Variants in ADGRL3 observed in about 807,000 individuals in gnomAD.
ADGRL3 encodes calcium-independent alpha-latrotoxin receptor 3.
A neutral mutation model predicts 153.5 loss-of-function variants in ADGRL3; 62 were observed. That is an observed-to-expected ratio of 0.40 (90% CI 0.33 to 0.50). ADGRL3 has a LOEUF of 0.50. Ranked by LOEUF, ADGRL3 falls within the 20% of genes least tolerant of loss-of-function variation. The probability of loss-of-function intolerance (pLI) is 0.47; values close to 1 mark genes in which losing one functional copy is unlikely to be tolerated. For missense variants in ADGRL3, 1,641 were observed against 1,859.4 expected (o/e 0.88, Z 2.16); for synonymous variants, 710 against 672.5 (o/e 1.06, Z -0.86).
At position 61,733,344 on chromosome 4, in the gene ADGRL3, G is replaced by C. The variant is rs780445734; in HGVS notation, c.1189G>C (p.Asp397His). 2 of 1,613,678 alleles carry C rather than the reference G, an allele frequency of 1.2e-6. No individual in the cohort carries two copies. The highest frequency in any genetic ancestry group is 8.5e-7 in the Non-Finnish European group (1 of 1,179,788). Residue 397 changes from aspartate (D) to histidine (H), a missense_variant, in exon 8 of 27, where the codon GAT becomes CAT. Around this residue, in one of 5 missense-constraint regions of ADGRL3, gnomAD observed 734 missense variants for 797.0 expected, o/e 0.92. Coordinates refer to ENST00000683033, the MANE Select transcript of ADGRL3 (RefSeq NM_001387552.1). ...ILYVVKSVYE[D>H]DDNEATGNKI... is the part of the protein sequence containing the mutation. Reference sequence around the variant, plus strand: ...GTATGTGGTCAAATCTGTATATGAGGATGATGACAATGAGGCTACTGGAAA... The same window carrying C: ...GTATGTGGTCAAATCTGTATATGAGCATGATGACAATGAGGCTACTGGAAA...
At chr4:61,411,838 G>A (rs528279712) in intron 2 of ADGRL3, among the ~76,000 whole-genome samples, 1 of 152,192 alleles carries the variant, frequency 6.6e-6, no homozygotes, top group East Asian at 1.9e-4. Context: ...ATTTTCAGGA[G>A]AAATGATATT....
chr4:61,858,657 T>G (rs1253348491), intron 9 of ADGRL3, among the ~76,000 whole-genome samples: 1 of 152,164 alleles, frequency 6.6e-6, no homozygotes, highest in East Asian at 1.9e-4. Context: ...ATATTAAAAT[T>G]TAAATGTCAT....
In ADGRL3 at chr4:61,201,227, GGAA is replaced by G. The variant is rs1734569258; in HGVS notation, c.-775_-773del. On this transcript the variant is annotated 5_prime_UTR_variant, in exon 1 of 27. Transcript: ENST00000683033. ...TATAAAGATCGGCTGGGGGGATGGT[GGAA>G]GATTTTTGGTCTCTTCGGCAGCGTC... 1 of 153,022 alleles carries G rather than the reference GGAA, an allele frequency of 6.5e-6. No individual in the cohort carries two copies. The highest frequency in any genetic ancestry group is 1.5e-5 in the Non-Finnish European group (1 of 68,186). The allele number at this position is 153,022 out of a possible 1,614,324, so 9.5% of individuals were successfully genotyped here.
intron 1 of ADGRL3, among the ~76,000 whole-genome samples, chr4:61,305,689 G>A (rs550303169): frequency 6.6e-6 from 1 of 152,192 alleles, no homozygotes; most frequent in South Asian, 2.1e-4. Flanking sequence ...AAGCCAATAC[G>A]TGAAACTGAA....
chr4:61,281,979 C>T (rs2093740640), intron 1 of ADGRL3, among the ~76,000 whole-genome samples: 1 of 152,072 alleles, frequency 6.6e-6, no homozygotes, highest in South Asian at 2.1e-4. Context: ...GGCTCTGTCT[C>T]TAGCTCCTCT....
At chr4:61,651,818 A>T (rs1337917356) in intron 5 of ADGRL3, among the ~76,000 whole-genome samples, 1 of 147,514 alleles carries the variant, frequency 6.8e-6, no homozygotes, top group South Asian at 2.1e-4. Context: ...GGGTTTCACC[A>T]TATTGGCCAG....
In ADGRL3 at chr4:61,934,968, G is replaced by A; in HGVS notation, c.2241G>A (p.Val747=). Residue 747 remains valine, a synonymous_variant, in exon 14 of 27, where the codon GTG becomes GTA. Transcript: ENST00000683033. The stretch of plus-strand genomic sequence containing the variant: ...ATACTGTGGAGGAAAGTGCTTTTGT[G>A]CTGGCTGATAACCTTTTGAAGACTG... ...LLHTVEESAF[V]LADNLLKTDI... is the part of the protein sequence containing the mutation. The A allele has an allele frequency of 6.2e-7, 1 of 1,613,812 alleles. No individual in the cohort carries two copies. The highest frequency in any genetic ancestry group is 8.5e-7 in the Non-Finnish European group (1 of 1,179,786).
intron 4 of ADGRL3, among the ~76,000 whole-genome samples, chr4:61,543,894 C>T (rs1227601216): frequency 6.6e-6 from 1 of 152,140 alleles, no homozygotes; most frequent in African/African-American, 2.4e-5. Flanking sequence ...ACTGCTGTAT[C>T]ATCTTTCATC....
chr4:61,678,230 A>T (rs190533350), intron 6 of ADGRL3, among the ~76,000 whole-genome samples: 61 of 152,086 alleles, frequency 4.0e-4, no homozygotes, highest in Admixed American at 7.2e-4. Flanking sequence ...GCATAATAAG[A>T]CCTTTGTGAA....
chr4:61,789,277 C>CTG lies in ADGRL3; in HGVS notation c.1400-24512_1400-24511dup, dbSNP rs147159756. Among the ~76,000 whole-genome samples the CTG allele has an allele frequency of 6.3e-3, 934 of 149,172 alleles. 14 individuals are homozygous for CTG. Among genetic ancestry groups the CTG allele is most frequent in the African/African-American group, 0.019 (762 of 40,926 alleles). ...ACAAGTAAAATCTTTCTCTCTGTCT[C>CTG]TGTGTGTGTGTGTGTGTGTGTACAC... On this transcript the variant is annotated intron_variant, in intron 8 of 26. Transcript: ENST00000683033.
chr4:61,607,965 T>G (rs1207480411), intron 5 of ADGRL3, among the ~76,000 whole-genome samples: 1 of 152,054 alleles, frequency 6.6e-6, no homozygotes, highest in Non-Finnish European at 1.5e-5. Flanking sequence ...CAAGATGGAG[T>G]CAACCAGGCT....
chr4:61,987,330 C>T (rs934861476), intron 19 of ADGRL3, among the ~76,000 whole-genome samples: 5 of 151,622 alleles, frequency 3.3e-5, no homozygotes, highest in South Asian at 4.2e-4. Context: ...TGCACCACCA[C>T]GCCCGTCTAA....
intron 1 of ADGRL3, among the ~76,000 whole-genome samples, chr4:61,290,255 T>A (rs1427717217): frequency 6.6e-6 from 1 of 152,090 alleles, no homozygotes; most frequent in African/African-American, 2.4e-5. Context: ...GAAATTTATC[T>A]GAGATTAATT....
chr4:61,405,579 A>C (rs1032365400), intron 2 of ADGRL3, among the ~76,000 whole-genome samples: 3 of 151,786 alleles, frequency 2.0e-5, no homozygotes, highest in African/African-American at 7.3e-5. Context: ...GTTTATTCAA[A>C]CCCCCTGTAG....
intron 1 of ADGRL3, among the ~76,000 whole-genome samples, chr4:61,262,024 G>A (rs1425891540): frequency 2.0e-5 from 3 of 151,946 alleles, no homozygotes; most frequent in South Asian, 2.1e-4. Flanking sequence ...ACCAAGGAAG[G>A]GCTTAGTAAA....
chr4:61,449,100 C>T (rs2097641222), intron 2 of ADGRL3, among the ~76,000 whole-genome samples: 1 of 151,694 alleles, frequency 6.6e-6, no homozygotes. Flanking sequence ...CAAGGACTGT[C>T]CTTTTATTTT....
At chr4:61,615,457 A>G (rs574584960) in intron 5 of ADGRL3, among the ~76,000 whole-genome samples, 31 of 152,258 alleles carry the variant, frequency 2.0e-4, no homozygotes, top group African/African-American at 7.5e-4. Context: ...GGAAGCTTCA[A>G]AAAAGGGGTG....
intron 1 of ADGRL3, among the ~76,000 whole-genome samples, chr4:61,373,097 T>G (rs977506871): frequency 6.6e-6 from 1 of 152,052 alleles, no homozygotes; most frequent in South Asian, 2.1e-4. Context: ...TCGTGCAGGG[T>G]GCGCACACTC....
chr4:61,975,063 T>G (rs1222484613), intron 17 of ADGRL3, among the ~76,000 whole-genome samples: 1 of 152,202 alleles, frequency 6.6e-6, no homozygotes, highest in Admixed American at 6.5e-5. Context: ...GGAGGATTGG[T>G]AATCAGAAGA....
Sources: allele counts gnomAD v4.1 joint callset (sites outside exome capture counted in the v4.1 genomes callset), GRCh38; gene constraint gnomAD v4.1.1; regional missense constraint gnomAD v4.1.1; transcripts MANE v1.5; gene names NCBI Gene and HGNC (gene_info 2026-07-23, HGNC 2026-07-21).